Variants in PDE1A observed in about 807,000 individuals in gnomAD.
PDE1A encodes phosphodiesterase 1A, also known as dual specificity calcium/calmodulin-dependent 3',5'-cyclic nucleotide phosphodiesterase 1A.
PDE1A carries 35 observed loss-of-function variants against 61.7 expected under a neutral mutation model. The observed-to-expected ratio is 0.57, with a 90% CI of 0.43 to 0.75. The LOEUF is 0.75. Ranked by LOEUF, PDE1A falls within the 30% of genes least tolerant of loss-of-function variation. The probability of loss-of-function intolerance (pLI) is 0.00; values close to 1 mark genes in which losing one functional copy is unlikely to be tolerated. For missense variants in PDE1A, 597 were observed against 630.6 expected (o/e 0.95, Z 0.57); for synonymous variants, 232 against 213.2 (o/e 1.09, Z -0.77).
At chr2:182,426,070 A>G (rs1047613133) in intron 1 of PDE1A, among the ~76,000 whole-genome samples, 1 of 152,108 alleles carries the variant, frequency 6.6e-6, no homozygotes, top group Non-Finnish European at 1.5e-5. Context: ...AATTTTTCCT[A>G]TCACCCTGTT....
intron 7 of PDE1A, among the ~76,000 whole-genome samples, chr2:182,222,766 C>A (rs950656537): frequency 6.6e-6 from 1 of 151,874 alleles, no homozygotes; most frequent in Admixed American, 6.6e-5. Flanking sequence ...CTTTCCTCAA[C>A]AAGAATGGAG....
exon 8 of PDE1A, chr2:182,206,029 G>A (rs948889071): frequency 6.2e-7 from 1 of 1,611,936 alleles, no homozygotes; most frequent in Non-Finnish European, 8.5e-7. Context: ...GATTCTCAAG[G>A]ACAGAGCGAT....
exon 12 of PDE1A, chr2:182,186,489 G>T: frequency 6.2e-7 from 1 of 1,612,742 alleles, no homozygotes; most frequent in African/African-American, 1.3e-5. Flanking sequence ...ATAGGAAGAA[G>T]TTTCGGCTTT....
At chr2:182,210,819 T>G (rs1223120723) in intron 7 of PDE1A, among the ~76,000 whole-genome samples, 1 of 152,146 alleles carries the variant, frequency 6.6e-6, no homozygotes, top group Non-Finnish European at 1.5e-5. Flanking sequence ...CATTTTGAGT[T>G]AATTTTGTAA....
the PDE1A span, among the ~76,000 whole-genome samples, chr2:182,709,071 C>G: frequency 8.5e-4 from 130 of 152,106 alleles, no homozygotes; most frequent in African/African-American, 3.0e-3. Flanking sequence ...TCTTCCTGAG[C>G]CTCAGTTTCC....
At chr2:182,674,376 T>C in the PDE1A span, among the ~76,000 whole-genome samples, 1 of 152,026 alleles carries the variant, frequency 6.6e-6, no homozygotes, top group Non-Finnish European at 1.5e-5. Context: ...AGTAAACTTT[T>C]CCCCAATTAT....
At chr2:182,157,913 G>A (rs1691185077) in intron 13 of PDE1A, among the ~76,000 whole-genome samples, 1 of 152,172 alleles carries the variant, frequency 6.6e-6, no homozygotes, top group Non-Finnish European at 1.5e-5. Flanking sequence ...TATGTTGATT[G>A]GGCCTAAGAA....
chr2:182,281,896 A>G (rs2125853787), intron 1 of PDE1A, among the ~76,000 whole-genome samples: 1 of 152,118 alleles, frequency 6.6e-6, no homozygotes, highest in South Asian at 2.1e-4. Context: ...GAAATTTTAG[A>G]AAAATAAACC....
chr2:182,535,663 C>G, the PDE1A span, among the ~76,000 whole-genome samples: 1 of 151,998 alleles, frequency 6.6e-6, no homozygotes, highest in South Asian at 2.1e-4. Context: ...GTACATTTGA[C>G]GGGGGTATAT....
At chr2:182,672,679 A>G in the PDE1A span, among the ~76,000 whole-genome samples, 1 of 152,204 alleles carries the variant, frequency 6.6e-6, no homozygotes, top group Admixed American at 6.5e-5. Context: ...GCCGTTAGTA[A>G]CAACTATTGT....
At chr2:182,373,732 T>C (rs780492090) in intron 1 of PDE1A, among the ~76,000 whole-genome samples, 10 of 151,848 alleles carry the variant, frequency 6.6e-5, no homozygotes, top group Non-Finnish European at 1.3e-4. Flanking sequence ...AAAATGAATA[T>C]TTTTTTTCAC....
chr2:182,484,960 T>A (rs1162857411), intron 2 of PDE1A, among the ~76,000 whole-genome samples: 1 of 152,000 alleles, frequency 6.6e-6, no homozygotes, highest in East Asian at 1.9e-4. Context: ...AGTGTGGCGA[T>A]CCCTCCAAGA....
At chr2:182,416,958 T>C (rs1349235120) in intron 1 of PDE1A, among the ~76,000 whole-genome samples, 1 of 152,164 alleles carries the variant, frequency 6.6e-6, no homozygotes, top group Non-Finnish European at 1.5e-5. Context: ...AAACAGTATT[T>C]TGGAAATGCT....
rs184841279 is a variant in PDE1A, at chr2:182,459,880, C to T, written c.101+62396G>A. Among the ~76,000 whole-genome samples, 7 of 152,286 alleles carry T rather than the reference C, an allele frequency of 4.6e-5. No homozygotes were observed. The East Asian group carries it at 7.7e-4, about 17-fold the overall frequency. ...TAGTAATCTTCCCCATTGTGCTTAG[C>T]ACCATACCTAGCACAAATAGGAGCT... On this transcript the variant is annotated intron_variant, in intron 2 of 14. Transcript: ENST00000410103.
chr2:182,492,017 G>T (rs2125885344), intron 2 of PDE1A, among the ~76,000 whole-genome samples: 1 of 152,176 alleles, frequency 6.6e-6, no homozygotes, highest in South Asian at 2.1e-4. Flanking sequence ...TTATTGCCAT[G>T]ACCTGATGCC....
At chr2:182,571,550 A>C in the PDE1A span, among the ~76,000 whole-genome samples, 6 of 152,280 alleles carry the variant, frequency 3.9e-5, no homozygotes, top group East Asian at 1.2e-3. Flanking sequence ...AAAATTAAAA[A>C]TTGGTAAAAT....
At chr2:182,154,761 A>G (rs1376110243) in intron 13 of PDE1A, among the ~76,000 whole-genome samples, 1 of 152,150 alleles carries the variant, frequency 6.6e-6, no homozygotes. Flanking sequence ...GTACGTCTTT[A>G]TTAGCAGTGT....
At chr2:182,401,062 T>C (rs1701973647) in intron 1 of PDE1A, among the ~76,000 whole-genome samples, 1 of 151,760 alleles carries the variant, frequency 6.6e-6, no homozygotes, top group Admixed American at 6.6e-5. Context: ...CTTAAGAAAA[T>C]AAAGGATTCA....
intron 1 of PDE1A, among the ~76,000 whole-genome samples, chr2:182,287,600 A>G (rs1694252832): frequency 6.6e-6 from 1 of 151,790 alleles, no homozygotes; most frequent in Non-Finnish European, 1.5e-5. Flanking sequence ...AGGTGGGAAC[A>G]CTTTCATCCC....
Sources: allele counts gnomAD v4.1 joint callset (sites outside exome capture counted in the v4.1 genomes callset), GRCh38; gene constraint gnomAD v4.1.1; transcripts MANE v1.5; gene names NCBI Gene and HGNC (gene_info 2026-07-23, HGNC 2026-07-21).